Variants in CLSTN2 observed in about 807,000 individuals in gnomAD.
CLSTN2 encodes the protein calsyntenin 2.
In CLSTN2, 48 loss-of-function variants were observed where a neutral mutation model predicts 101.2. That is an observed-to-expected ratio of 0.47 (90% CI 0.38 to 0.60). The LOEUF is 0.60. Among genes scored for constraint, CLSTN2 ranks in the 20% least tolerant of loss-of-function variants. The probability of loss-of-function intolerance (pLI) is 0.00; values close to 1 mark genes in which losing one functional copy is unlikely to be tolerated. For missense variants in CLSTN2, 1,160 were observed against 1,238.2 expected (o/e 0.94, Z 0.95); for synonymous variants, 481 against 463.6 (o/e 1.04, Z -0.48).
At chr3:140,523,556 G>A (rs1935078704) in intron 8 of CLSTN2, among the ~76,000 whole-genome samples, 1 of 152,186 alleles carries the variant, frequency 6.6e-6, no homozygotes, top group Non-Finnish European at 1.5e-5. Context: ...CAGTCAGGCT[G>A]AAAATATGTG....
intron 1 of CLSTN2, among the ~76,000 whole-genome samples, chr3:139,965,365 G>T (rs1576378887): frequency 6.6e-6 from 1 of 152,128 alleles, no homozygotes; most frequent in Non-Finnish European, 1.5e-5. Flanking sequence ...TTCTGAGAAA[G>T]TCATGGTTCC....
At chr3:140,004,736 C>T (rs1030862118) in intron 1 of CLSTN2, among the ~76,000 whole-genome samples, 1 of 152,072 alleles carries the variant, frequency 6.6e-6, no homozygotes, top group Non-Finnish European at 1.5e-5. Flanking sequence ...AAGTAAAATC[C>T]AGTGGGAGAG....
In CLSTN2 at chr3:140,429,266, G is replaced by A. The variant is rs3856687; in HGVS notation, c.787+7992G>A. Among the ~76,000 whole-genome samples the A allele has an allele frequency of 2.5e-3, 381 of 152,214 alleles. 3 individuals are homozygous for A. The highest frequency in any genetic ancestry group is 8.5e-3 in the African/African-American group (352 of 41,528). On this transcript the variant is annotated intron_variant, in intron 5 of 16. Coordinates refer to ENST00000458420, the MANE Select transcript of CLSTN2 (RefSeq NM_022131.3). ...ACTGTGTGCTAAAGGCTGGGGATACGGGTAGGATCTACCAGAACTCCGATT... is the reference window on the plus strand; with the variant it reads ...ACTGTGTGCTAAAGGCTGGGGATACAGGTAGGATCTACCAGAACTCCGATT...
At chr3:139,964,330 G>A (rs1480922185) in intron 1 of CLSTN2, among the ~76,000 whole-genome samples, 3 of 152,138 alleles carry the variant, frequency 2.0e-5, no homozygotes, top group Non-Finnish European at 4.4e-5. Context: ...AGGAATGTAG[G>A]AATGATCACA....
At chr3:140,211,398 T>TCACACACA (rs59994883) in intron 2 of CLSTN2, among the ~76,000 whole-genome samples, 7,129 of 113,350 alleles carry the variant, frequency 0.063, 577 homozygotes, top group African/African-American at 0.18. Context: ...GCTTGGTAAT[T>TCACACACA]CACACACACA....
chr3:140,434,303 CT>C (rs1476041873), intron 5 of CLSTN2, among the ~76,000 whole-genome samples: 2 of 152,206 alleles, frequency 1.3e-5, no homozygotes, highest in African/African-American at 4.8e-5. Flanking sequence ...GAAGTACCAA[CT>C]TAGGGGCTTG....
chr3:140,240,473 G>T (rs1215952775), intron 2 of CLSTN2, among the ~76,000 whole-genome samples: 1 of 151,732 alleles, frequency 6.6e-6, no homozygotes, highest in Middle Eastern at 3.2e-3. Flanking sequence ...CCAGCTATGT[G>T]AACTTTGGCA....
intron 2 of CLSTN2, among the ~76,000 whole-genome samples, chr3:140,392,604 A>C (rs1264942403): frequency 2.6e-5 from 4 of 152,136 alleles, no homozygotes. Flanking sequence ...GCATTCCAAC[A>C]CCACATTCTG....
At chr3:140,231,303 C>T (rs113200437) in intron 2 of CLSTN2, among the ~76,000 whole-genome samples, 46 of 152,174 alleles carry the variant, frequency 3.0e-4, no homozygotes, top group Non-Finnish European at 4.0e-4. Context: ...TCATCTACTG[C>T]GGGAGTTCCA....
chr3:140,472,717 C>G (rs1268725192), intron 8 of CLSTN2, among the ~76,000 whole-genome samples: 1 of 152,108 alleles, frequency 6.6e-6, no homozygotes, highest in Non-Finnish European at 1.5e-5. Context: ...TTTTCTCTCT[C>G]TCTTTCAGGC....
intron 2 of CLSTN2, among the ~76,000 whole-genome samples, chr3:140,263,845 T>G (rs1362422740): frequency 6.6e-6 from 1 of 152,198 alleles, no homozygotes; most frequent in Non-Finnish European, 1.5e-5. Flanking sequence ...GAACTCTTGA[T>G]AGTCTGAAAA....
chr3:140,145,298 A>G (rs2009764485), intron 1 of CLSTN2, among the ~76,000 whole-genome samples: 1 of 152,224 alleles, frequency 6.6e-6, no homozygotes, highest in Non-Finnish European at 1.5e-5. Context: ...GCCCCAGGGA[A>G]ATCCATAACA....
At chr3:140,294,320 G>A (rs146071128) in intron 2 of CLSTN2, among the ~76,000 whole-genome samples, 1 of 152,056 alleles carries the variant, frequency 6.6e-6, no homozygotes, top group Non-Finnish European at 1.5e-5. Context: ...AAAATACAAA[G>A]GTTTATTTAT....
intron 2 of CLSTN2, among the ~76,000 whole-genome samples, chr3:140,351,320 A>G (rs1490220502): frequency 6.6e-6 from 1 of 152,228 alleles, no homozygotes; most frequent in Non-Finnish European, 1.5e-5. Context: ...AATAAAAAGG[A>G]AAGCTGAGAA....
chr3:139,960,450 G>C (rs1291656792), intron 1 of CLSTN2, among the ~76,000 whole-genome samples: 1 of 152,066 alleles, frequency 6.6e-6, no homozygotes, highest in Admixed American at 6.6e-5. Flanking sequence ...AGCTTTGGTG[G>C]CTTCCTATTA....
chr3:140,482,867 A>G (rs530830275), intron 8 of CLSTN2, among the ~76,000 whole-genome samples: 111 of 151,864 alleles, frequency 7.3e-4, no homozygotes, highest in African/African-American at 2.6e-3. Flanking sequence ...CGGTGTATCA[A>G]TTTTGTTGAT....
chr3:140,023,899 G>A lies in CLSTN2; in HGVS notation c.109+88416G>A, dbSNP rs374394652. ...TGTCCTCCGTCTGGCACCAGGCTAC[G>A]GGGCCAAACCACTGCAGGCCTCACT... On this transcript the variant is annotated intron_variant, in intron 1 of 16. Coordinates refer to ENST00000458420, the MANE Select transcript of CLSTN2 (RefSeq NM_022131.3). 3.2e-4 allele frequency among the ~76,000 whole-genome samples: 49 copies of A among 152,300 alleles called. No individual in the cohort carries two copies. In the South Asian group the frequency reaches 9.1e-3, roughly 28 times the overall value.
chr3:139,991,002 C>T (rs574308960), intron 1 of CLSTN2, among the ~76,000 whole-genome samples: 1 of 152,186 alleles, frequency 6.6e-6, no homozygotes, highest in Non-Finnish European at 1.5e-5. Context: ...CAAAGTGAGT[C>T]TATTTAAAGA....
chr3:140,333,104 C>G (rs953460), intron 2 of CLSTN2, among the ~76,000 whole-genome samples: 87,628 of 151,916 alleles, frequency 0.58, 25,877 homozygotes, highest in Non-Finnish European at 0.64. Flanking sequence ...GTGGAGCTCA[C>G]CGAATGTTGG....
Sources: gnomAD v4.1 joint callset for allele counts (sites outside exome capture counted in the v4.1 genomes callset) on GRCh38, gnomAD v4.1.1 for gene constraint, MANE v1.5 for transcripts, NCBI Gene and HGNC (gene_info 2026-07-23, HGNC 2026-07-21) for gene names.